MED12L: variants seen among roughly 807,000 people sequenced by gnomAD.
MED12L encodes the protein mediator complex subunit 12L, also known as mediator of RNA polymerase II transcription subunit 12-like protein.
In MED12L, 60 loss-of-function variants were observed where a neutral mutation model predicts 281.3. The observed-to-expected ratio is 0.21, with a 90% CI of 0.17 to 0.26. The LOEUF (loss-of-function observed/expected upper bound fraction) is 0.26. MED12L is among the 10% of genes least tolerant of loss of function. MED12L has a pLI of 1.00. For synonymous variants in MED12L, 974 were observed against 987.2 expected, an observed-to-expected ratio of 0.99 and a Z score of 0.25; for missense variants, 2,146 against 2,680.9, an observed-to-expected ratio of 0.80 and a Z score of 4.41.
At chr3:151,194,554 G>A (rs80341076) in intron 16 of MED12L, among the ~76,000 whole-genome samples, 2,954 of 152,276 alleles carry the variant, frequency 0.019, 74 homozygotes, top group East Asian at 0.13. Flanking sequence ...GAGAACAAGA[G>A]TATTTTAGTT....
intron 11 of MED12L, among the ~76,000 whole-genome samples, chr3:151,173,509 T>C (rs889501232): frequency 1.3e-5 from 2 of 152,262 alleles, no homozygotes; most frequent in Non-Finnish European, 1.5e-5. Context: ...TTTCCAAATA[T>C]GAATATTGGT....
At position 151,253,440 on chromosome 3, in the gene MED12L, C is replaced by A. The variant is rs561568829; in HGVS notation, c.2250+59774C>A. Among the ~76,000 whole-genome samples the A allele has an allele frequency of 2.6e-5, 4 of 152,318 alleles. No individual in the cohort carries two copies. The South Asian group carries it at 8.3e-4, about 32-fold the overall frequency. ...TCCAAACACACCTTCTGTTCTCCCT[C>A]CTCTGGCCTTTGTTGGGCCGTTTCC... is the stretch of plus-strand genomic sequence containing the variant. On this transcript the variant is annotated intron_variant, in intron 16 of 44. Coordinates refer to ENST00000687756, the MANE Select transcript of MED12L (RefSeq NM_001393769.1).
chr3:151,301,568 T>C (rs1745929646), intron 16 of MED12L, among the ~76,000 whole-genome samples: 1 of 152,198 alleles, frequency 6.6e-6, no homozygotes, highest in Admixed American at 6.5e-5. Flanking sequence ...CTTTTACAGC[T>C]TCTTAATAAG....
intron 5 of MED12L, among the ~76,000 whole-genome samples, chr3:151,129,250 A>G (rs1033305653): frequency 6.6e-6 from 1 of 152,226 alleles, no homozygotes; most frequent in African/African-American, 2.4e-5. Context: ...AGCACACTCT[A>G]AAAAGCATGA....
intron 11 of MED12L, among the ~76,000 whole-genome samples, chr3:151,167,710 G>T (rs1720896473): frequency 1.3e-5 from 2 of 152,222 alleles, no homozygotes; most frequent in African/African-American, 2.4e-5. Context: ...AGTGGAGCAT[G>T]CTGATATAAT....
chr3:151,390,865 G>A (rs1407885022), intron 38 of MED12L, among the ~76,000 whole-genome samples: 1 of 152,126 alleles, frequency 6.6e-6, no homozygotes, highest in Non-Finnish European at 1.5e-5. Context: ...CTTATAGCAG[G>A]GGGAAATCCA....
At chr3:151,245,432 G>A (rs1577099811) in intron 16 of MED12L, among the ~76,000 whole-genome samples, 1 of 146,358 alleles carries the variant, frequency 6.8e-6, no homozygotes, top group African/African-American at 2.5e-5. Context: ...TGATCAAGTG[G>A]GCTTCATCCC....
At chr3:151,264,934 C>T (rs1176714982) in intron 16 of MED12L, among the ~76,000 whole-genome samples, 1 of 148,944 alleles carries the variant, frequency 6.7e-6, no homozygotes, top group Non-Finnish European at 1.5e-5. Flanking sequence ...CCTTCTTGCT[C>T]TTGCTCCTCC....
chr3:151,092,601 A>T (rs1232140034), intron 2 of MED12L, among the ~76,000 whole-genome samples: 4 of 152,264 alleles, frequency 2.6e-5, no homozygotes, highest in African/African-American at 9.6e-5. Context: ...TCTTAAAGGC[A>T]TGAATGCCTG....
intron 5 of MED12L, among the ~76,000 whole-genome samples, chr3:151,138,753 C>CATGACTT (rs765867556): frequency 6.6e-6 from 1 of 152,178 alleles, no homozygotes; most frequent in Non-Finnish European, 1.5e-5. Context: ...ATGCTATCAC[C>CATGACTT]ATGACTTATG....
intron 38 of MED12L, 79 bp downstream of exon 38, chr3:151,390,214 A>G (rs1305434334): frequency 7.7e-6 from 11 of 1,424,604 alleles, no homozygotes; most frequent in African/African-American, 2.8e-5. Context: ...TGAAACCTCC[A>G]CAAAACTTGG....
chr3:151,356,157 TG>T, intron 19 of MED12L, 118 bp downstream of exon 19: 1 of 1,028,076 alleles, frequency 9.7e-7, no homozygotes, highest in Non-Finnish European at 1.4e-6. Flanking sequence ...CCTGGCACTT[TG>T]GGAGGCCGAG....
intron 16 of MED12L, among the ~76,000 whole-genome samples, chr3:151,296,848 G>C (rs542371195): frequency 2.0e-5 from 3 of 152,160 alleles, no homozygotes; most frequent in Admixed American, 6.5e-5. Context: ...TTTTGGAATG[G>C]TTTTGTTATA....
Position 151,365,851 on chromosome 3 carries a change from A to C in MED12L, c.3187A>C (p.Ile1063Leu), listed in dbSNP as rs1020451625. Residue 1063 changes from isoleucine (I) to leucine (L), a missense_variant and splice_region_variant, in exon 23 of 45, where the codon ATT becomes CTT. By Grantham distance (5) the Ile-to-Leu change is conservative. Coordinates refer to ENST00000687756, the MANE Select transcript of MED12L (RefSeq NM_001393769.1). ...VCMGHQDAGRINDIANFSSEL... is the reference protein window; with the variant it reads ...VCMGHQDAGRLNDIANFSSEL... Reference sequence around the variant, plus strand: ...CTGTGTCTTCTTTTTCTTTTCTAGGATTAACGACATAGCCAATTTCTCCTC... The same window carrying C: ...CTGTGTCTTCTTTTTCTTTTCTAGGCTTAACGACATAGCCAATTTCTCCTC... The C allele has an allele frequency of 6.2e-7, 1 of 1,608,370 alleles. No individual in the cohort carries two copies. Among genetic ancestry groups the C allele is most frequent in the Non-Finnish European group, 8.5e-7 (1 of 1,177,480 alleles).
At chr3:151,298,263 T>G (rs917068229) in intron 16 of MED12L, among the ~76,000 whole-genome samples, 1 of 152,212 alleles carries the variant, frequency 6.6e-6, no homozygotes, top group Non-Finnish European at 1.5e-5. Context: ...AGTGAATGGC[T>G]TTCTTCACCC....
intron 2 of MED12L, among the ~76,000 whole-genome samples, chr3:151,107,372 T>C (rs1722206202): frequency 2.0e-5 from 3 of 152,262 alleles, no homozygotes; most frequent in South Asian, 4.2e-4. Context: ...CTTGTCTAAC[T>C]CCCCAGACTA....
At position 151,390,062 on chromosome 3, in the gene MED12L, C is replaced by G. The variant is rs35949713; in HGVS notation, c.5535C>G (p.Thr1845=). The G allele has an allele frequency of 0.011, 17,859 of 1,614,030 alleles. 1,687 individuals are homozygous for G. In the African/African-American group the frequency reaches 0.21, roughly 19 times the overall value. The change falls in exon 38 of 45, where the codon ACC becomes ACG. Residue 1845 remains threonine (T), a synonymous_variant. Transcript: ENST00000687756. ...SSQMMHHPQS[T]LWGYNLVGQP... Reference sequence around the variant, plus strand: ...AAATGATGCACCATCCACAGTCCACCTTGTGGGGTTACAACCTCGTGGGCC... The same window carrying G: ...AAATGATGCACCATCCACAGTCCACGTTGTGGGGTTACAACCTCGTGGGCC...
intron 11 of MED12L, among the ~76,000 whole-genome samples, chr3:151,179,445 G>A (rs1351972663): frequency 6.6e-6 from 1 of 152,202 alleles, no homozygotes; most frequent in African/African-American, 2.4e-5. Flanking sequence ...CACCTAATGA[G>A]TACCTGATGG....
At chr3:151,368,093 G>A (rs1321109611) in intron 24 of MED12L, 57 bp from the exon 25 acceptor site, 29 of 1,349,034 alleles carry the variant, frequency 2.1e-5, no homozygotes, top group Non-Finnish European at 3.0e-5. Context: ...TAGGAAACCT[G>A]AAGGACTTGT....
Sources: allele counts gnomAD v4.1 joint callset (sites outside exome capture counted in the v4.1 genomes callset), GRCh38; gene constraint gnomAD v4.1.1; transcripts MANE v1.5; gene names NCBI Gene and HGNC (gene_info 2026-07-23, HGNC 2026-07-21).